Variants in TNPO1 observed in about 807,000 individuals in gnomAD.
TNPO1 encodes transportin-1.
TNPO1 carries 8 observed loss-of-function variants against 119.5 expected under a neutral mutation model. The ratio of observed to expected loss-of-function variants is 0.07; its 90% CI spans 0.04 to 0.12. The LOEUF is 0.12. Among genes scored for constraint, TNPO1 ranks in the 10% least tolerant of loss-of-function variants. TNPO1 has a pLI of 1.00. For missense variants in TNPO1, 576 were observed against 1,089.8 expected (o/e 0.53, Z 6.64); for synonymous variants, 362 against 363.0 (o/e 1.00, Z 0.03).
In TNPO1 at chr5:72,888,181, T is replaced by A; in HGVS notation, c.1407T>A (p.Thr469=). ...KALVRSITCW[T]LSRYAHWVVS... is the part of the protein sequence containing the mutation. Reference sequence around the variant, plus strand: ...TTGTGCGTTCCATAACATGCTGGACTCTTAGCCGCTATGCACACTGGGTGG... The same window carrying A: ...TTGTGCGTTCCATAACATGCTGGACACTTAGCCGCTATGCACACTGGGTGG... The change falls in exon 13 of 25, where the codon ACT becomes ACA. Residue 469 remains threonine, a synonymous_variant. Coordinates refer to ENST00000337273, the MANE Select transcript of TNPO1 (RefSeq NM_002270.4). 1 of 1,614,214 alleles carries A rather than the reference T, an allele frequency of 6.2e-7. No homozygotes were observed. The highest frequency in any genetic ancestry group is 8.5e-7 in the Non-Finnish European group (1 of 1,180,048).
intron 22 of TNPO1, among the ~76,000 whole-genome samples, chr5:72,901,549 T>G (rs1749796712): frequency 6.6e-6 from 1 of 152,224 alleles, no homozygotes; most frequent in African/African-American, 2.4e-5. Context: ...TTATGATTTA[T>G]TCATCTTTGT....
chr5:72,834,981 A>G (rs571146514), intron 1 of TNPO1, among the ~76,000 whole-genome samples: 30 of 152,126 alleles, frequency 2.0e-4, no homozygotes, highest in African/African-American at 6.7e-4. Context: ...TTGTGTTACC[A>G]TTGCCTGCAG....
chr5:72,857,886 A>G (rs970912970), intron 4 of TNPO1, among the ~76,000 whole-genome samples: 6 of 152,248 alleles, frequency 3.9e-5, no homozygotes, highest in African/African-American at 7.2e-5. Flanking sequence ...GTTTTTGAAC[A>G]TGTTTAGGAG....
chr5:72,833,870 G>C (rs1163570087), intron 1 of TNPO1, among the ~76,000 whole-genome samples: 2 of 152,054 alleles, frequency 1.3e-5, no homozygotes, highest in African/African-American at 4.8e-5. Flanking sequence ...GCTGTTTTTT[G>C]TACTAAACTT....
intron 13 of TNPO1, 115 bp downstream of exon 13, chr5:72,888,418 T>A (rs1227031060): frequency 1.2e-5 from 11 of 894,678 alleles, no homozygotes; most frequent in Non-Finnish European, 1.9e-5. Flanking sequence ...TTGAAAATTT[T>A]CCAGTTATAT....
intron 11 of TNPO1, among the ~76,000 whole-genome samples, chr5:72,884,380 A>G (rs1748468862): frequency 6.6e-6 from 1 of 152,140 alleles, no homozygotes; most frequent in Non-Finnish European, 1.5e-5. Context: ...TTAATACTGT[A>G]AGAACATTGC....
Position 72,816,772 on chromosome 5 carries a change from G to A in TNPO1, c.15+20G>A. 6.3e-7 allele frequency: 1 copy of A among 1,582,298 alleles called. No homozygotes were observed. Among genetic ancestry groups the A allele is most frequent in the Non-Finnish European group, 8.6e-7 (1 of 1,166,304 alleles). On this transcript the variant is annotated intron_variant, in intron 1 of 24. Coordinates refer to ENST00000337273, the MANE Select transcript of TNPO1 (RefSeq NM_002270.4). Reference sequence around the variant, plus strand: ...GACCGGGTAGGTGGCGTGAGGGTGCGCGGCCCCGAACTGCAGGGGCGGGAA... The same window carrying A: ...GACCGGGTAGGTGGCGTGAGGGTGCACGGCCCCGAACTGCAGGGGCGGGAA...
intron 3 of TNPO1, 43 bp from the exon 4 acceptor site, chr5:72,855,731 T>G: frequency 6.7e-7 from 1 of 1,497,904 alleles, no homozygotes; most frequent in South Asian, 1.3e-5. Context: ...ATTTTGAAAT[T>G]AAGACTACTT....
chr5:72,904,171 T>C (rs958625639), intron 23 of TNPO1, among the ~76,000 whole-genome samples: 5 of 152,232 alleles, frequency 3.3e-5, no homozygotes, highest in African/African-American at 9.6e-5. Flanking sequence ...ATACCCTCTT[T>C]TGATTAACTC....
intron 1 of TNPO1, among the ~76,000 whole-genome samples, chr5:72,823,154 T>G (rs79857532): frequency 2.0e-5 from 3 of 152,238 alleles, no homozygotes; most frequent in African/African-American, 7.2e-5. Context: ...TTTGTTTGTT[T>G]GCTCCGTAAC....
In TNPO1 at chr5:72,895,533, A is replaced by G. The variant is rs114924916; in HGVS notation, c.2144-925A>G. Reference sequence around the variant, plus strand: ...AAAGGATGTTGCTAAACATCTTATAATACAGGAGACAGCTCCCCTTCCCCC... The same window carrying G: ...AAAGGATGTTGCTAAACATCTTATAGTACAGGAGACAGCTCCCCTTCCCCC... On this transcript the variant is annotated intron_variant, in intron 18 of 24. Transcript: ENST00000337273. Among the ~76,000 whole-genome samples the G allele has an allele frequency of 2.9e-3, 446 of 152,236 alleles. 2 individuals carry two copies. The highest frequency in any genetic ancestry group is 0.01 in the African/African-American group (424 of 41,528).
chr5:72,826,252 C>T (rs1744202192), intron 1 of TNPO1, among the ~76,000 whole-genome samples: 1 of 152,152 alleles, frequency 6.6e-6, no homozygotes, highest in Admixed American at 6.5e-5. Flanking sequence ...CACATACAAC[C>T]TTCTAACATA....
intron 24 of TNPO1, among the ~76,000 whole-genome samples, chr5:72,907,245 G>A (rs1481198055): frequency 1.3e-5 from 2 of 152,138 alleles, no homozygotes; most frequent in Admixed American, 1.3e-4. Context: ...AGAATGACTT[G>A]TAGCTTCAAA....
Position 72,851,329 on chromosome 5 carries a change from A to G in TNPO1, c.205+10A>G. 1 of 1,453,540 alleles carries G rather than the reference A, an allele frequency of 6.9e-7. No homozygotes were observed. Among genetic ancestry groups the G allele is most frequent in the Non-Finnish European group, 9.6e-7 (1 of 1,039,686 alleles). 90.0% of individuals were successfully genotyped at this position (1,453,540 alleles called of 1,614,324 possible). On this transcript the variant is annotated intron_variant, in intron 3 of 24. Transcript: ENST00000337273. ...AAATTAAAATCTGAAGGTAAGTAGG[A>G]TTTGTATTGATAACTATTTAAAGTT... is the stretch of plus-strand genomic sequence containing the variant.
intron 9 of TNPO1, chr5:72,878,883 G>A: frequency 8.0e-6 from 4 of 502,844 alleles, no homozygotes; most frequent in South Asian, 6.1e-5. Flanking sequence ...TCCTTGAGGG[G>A]TACAGCATCA....
At chr5:72,903,883 C>G in intron 23 of TNPO1, 100 bp downstream of exon 23, 4 of 780,166 alleles carry the variant, frequency 5.1e-6, no homozygotes, top group Non-Finnish European at 8.4e-6. Flanking sequence ...TTAGGCTCTT[C>G]AAGTCAGTAT....
chr5:72,913,697 A>G lies in TNPO1; in HGVS notation c.*5024A>G, dbSNP rs1273936531. 1 of 152,528 alleles carries G rather than the reference A, an allele frequency of 6.6e-6. No individual in the cohort carries two copies. The highest frequency in any genetic ancestry group is 1.5e-5 in the Non-Finnish European group (1 of 67,948). 9.4% of individuals were successfully genotyped at this position (152,528 alleles called of 1,614,324 possible). On this transcript the variant is annotated 3_prime_UTR_variant, in exon 25 of 25. Transcript: ENST00000337273. Reference sequence around the variant, plus strand: ...TACATCTTTTTAAAAGCCTATTATAACATGGTTAGCCTATAAGGCAGTGTT... The same window carrying G: ...TACATCTTTTTAAAAGCCTATTATAGCATGGTTAGCCTATAAGGCAGTGTT...
chr5:72,882,991 G>C, intron 10 of TNPO1, 73 bp from the exon 11 acceptor site: 1 of 1,073,552 alleles, frequency 9.3e-7, no homozygotes, highest in Non-Finnish European at 1.4e-6. Context: ...TGGATATTCT[G>C]TTTCTCTTAC....
intron 7 of TNPO1, among the ~76,000 whole-genome samples, chr5:72,874,123 C>G (rs1747602370): frequency 6.6e-6 from 1 of 152,054 alleles, no homozygotes; most frequent in Non-Finnish European, 1.5e-5. Context: ...AAATATTTTG[C>G]TTTACTATTA....
Sources: gnomAD v4.1 joint callset for allele counts (sites outside exome capture counted in the v4.1 genomes callset) on GRCh38, gnomAD v4.1.1 for gene constraint, MANE v1.5 for transcripts, NCBI Gene and HGNC (gene_info 2026-07-23, HGNC 2026-07-21) for gene names.